Variants in EFCAB5 observed in about 807,000 individuals in gnomAD.
The protein encoded by EFCAB5 is EF-hand calcium-binding domain-containing protein 5.
In EFCAB5, 131 loss-of-function variants were observed where a neutral mutation model predicts 167.9. That is an observed-to-expected ratio of 0.78 (90% CI 0.68 to 0.90). The LOEUF is 0.90. Ranked by LOEUF, EFCAB5 falls within the 40% of genes least tolerant of loss-of-function variation. The pLI, the probability that EFCAB5 is intolerant of heterozygous loss-of-function variation, is 0.00. For synonymous variants in EFCAB5, 574 were observed against 602.8 expected (o/e 0.95, Z 0.70); for missense variants, 1,663 against 1,745.2 (o/e 0.95, Z 0.84).
rs1447983318 is a variant in EFCAB5 at position 30,056,186 on chromosome 17, A to G, written c.2365+30A>G. 9 of 1,565,398 alleles carry G rather than the reference A, an allele frequency of 5.7e-6. No individual in the cohort carries two copies. In the Admixed American group the frequency reaches 1.5e-4, roughly 25 times the overall value. ...ATGTTAACAATGAAAGTAGGAATAG[A>G]TGGCAGTCCAATAGATGGATTTAAT... On this transcript the variant is annotated intron_variant, in intron 12 of 22. Coordinates refer to ENST00000394835, the MANE Select transcript of EFCAB5 (RefSeq NM_198529.4).
At chr17:30,006,143 T>G (rs2068769380) in intron 7 of EFCAB5, among the ~76,000 whole-genome samples, 1 of 152,326 alleles carries the variant, frequency 6.6e-6, no homozygotes, top group Non-Finnish European at 1.5e-5. Context: ...CAAGGCTTCT[T>G]GGGTTTGTGT....
chr17:29,996,723 T>C (rs28429455), intron 6 of EFCAB5, among the ~76,000 whole-genome samples: 14,712 of 152,250 alleles, frequency 0.097, 1,626 homozygotes, highest in African/African-American at 0.27. Context: ...ATGCACTGGC[T>C]AGGCATGGTG....
chr17:29,956,424 A>C (rs926219101), intron 3 of EFCAB5, among the ~76,000 whole-genome samples: 104 of 152,244 alleles, frequency 6.8e-4, no homozygotes, highest in African/African-American at 2.4e-3. Context: ...TGAAGTGCAG[A>C]AACAGCTAGA....
chr17:30,073,585 A>G, intron 14 of EFCAB5: 1 of 658,600 alleles, frequency 1.5e-6, no homozygotes. Context: ...ATACCTCAGC[A>G]TGCATATCAT....
At chr17:30,059,305 G>A in intron 13 of EFCAB5, 1 of 318,810 alleles carries the variant, frequency 3.1e-6, no homozygotes, top group Non-Finnish European at 5.6e-6. Context: ...TCACTGTGTT[G>A]CTCAGGCTGG....
chr17:30,027,653 C>G (rs563713981), intron 7 of EFCAB5, among the ~76,000 whole-genome samples: 1 of 152,044 alleles, frequency 6.6e-6, no homozygotes, highest in African/African-American at 2.4e-5. Context: ...TCCTGGCTTG[C>G]CTGGGACTGA....
chr17:30,015,175 G>C (rs2069003784), intron 7 of EFCAB5, among the ~76,000 whole-genome samples: 1 of 152,206 alleles, frequency 6.6e-6, no homozygotes, highest in African/African-American at 2.4e-5. Flanking sequence ...TCTGCTGTTA[G>C]TATGATGGGC....
At chr17:30,087,006 C>T (rs2071101795) in intron 18 of EFCAB5, 57 bp from the exon 19 acceptor site, 1 of 1,503,078 alleles carries the variant, frequency 6.7e-7, no homozygotes, top group Non-Finnish European at 9.2e-7. Context: ...TCCCCAAAAG[C>T]TTTAATGAGA....
At chr17:30,024,407 A>G (rs952713828) in intron 7 of EFCAB5, among the ~76,000 whole-genome samples, 2 of 152,220 alleles carry the variant, frequency 1.3e-5, no homozygotes, top group Non-Finnish European at 2.9e-5. Flanking sequence ...AAGAGAGCCA[A>G]ATCATGAGTG....
intron 17 of EFCAB5, among the ~76,000 whole-genome samples, chr17:30,081,447 G>T (rs922171424): frequency 6.6e-6 from 1 of 152,134 alleles, no homozygotes; most frequent in East Asian, 1.9e-4. Flanking sequence ...AAAGAAAAAG[G>T]CCTAAATGTT....
At chr17:29,931,178 A>G (rs2067188594) in intron 1 of EFCAB5, among the ~76,000 whole-genome samples, 1 of 152,224 alleles carries the variant, frequency 6.6e-6, no homozygotes, top group African/African-American at 2.4e-5. Flanking sequence ...TGACAAGGCT[A>G]TTTCTCAGCT....
intron 3 of EFCAB5, chr17:29,968,339 G>C: frequency 2.2e-6 from 1 of 454,440 alleles, no homozygotes; most frequent in Non-Finnish European, 4.4e-6. Context: ...TGGTCTGGGC[G>C]TGGGCATGTA....
Position 30,053,727 on chromosome 17 carries a change from G to A in EFCAB5, c.1773G>A (p.Val591=), listed in dbSNP as rs371953416. 321 of 1,613,950 alleles carry A rather than the reference G, an allele frequency of 2.0e-4. No homozygotes were observed. Among genetic ancestry groups the A allele is most frequent in the Admixed American group, 2.7e-4 (16 of 60,008 alleles). The stretch of plus-strand genomic sequence containing the variant: ...TAGAAGGACAAGGACCACGCAGAGT[G>A]TCAGTTTCAGAACAAGGATCAAGCA... ...GSIEGQGPRR[V]SVSEQGSSRE... is the part of the protein sequence containing the mutation. The change falls in exon 10 of 23, where the codon GTG becomes GTA. Residue 591 remains valine, a synonymous_variant. Coordinates refer to ENST00000394835, the MANE Select transcript of EFCAB5 (RefSeq NM_198529.4).
chr17:30,025,619 C>G (rs1170985768), intron 7 of EFCAB5, among the ~76,000 whole-genome samples: 1 of 152,156 alleles, frequency 6.6e-6, no homozygotes, highest in Non-Finnish European at 1.5e-5. Flanking sequence ...GGCGATTCCT[C>G]AGGGATCTAG....
intron 7 of EFCAB5, among the ~76,000 whole-genome samples, chr17:30,017,926 A>G (rs2069086179): frequency 1.3e-5 from 2 of 152,166 alleles, no homozygotes; most frequent in African/African-American, 2.4e-5. Context: ...GTCCTTTTAC[A>G]ATGTGTTTTG....
At chr17:29,943,702 G>A in intron 3 of EFCAB5, 53 bp downstream of exon 3, 1 of 1,483,262 alleles carries the variant, frequency 6.7e-7, no homozygotes, top group Non-Finnish European at 9.1e-7. Context: ...GGCTGGGCGT[G>A]GTGGCTCATG....
At chr17:29,984,571 T>C (rs2068243198) in intron 4 of EFCAB5, among the ~76,000 whole-genome samples, 1 of 151,780 alleles carries the variant, frequency 6.6e-6, no homozygotes, top group Non-Finnish European at 1.5e-5. Flanking sequence ...TATAAAAAAT[T>C]AGCCAGACTG....
chr17:29,940,068 G>A (rs2067277640), upstream of EFCAB5, among the ~76,000 whole-genome samples: 1 of 140,834 alleles, frequency 7.1e-6, no homozygotes, highest in South Asian at 2.3e-4. Context: ...TTCCCTCACT[G>A]AACTGGGAAC....
intron 3 of EFCAB5, among the ~76,000 whole-genome samples, chr17:29,963,238 G>T (rs1044692471): frequency 2.0e-5 from 3 of 152,074 alleles, no homozygotes; most frequent in African/African-American, 7.2e-5. Context: ...CACCACACCT[G>T]GCCAACTGTG....
Sources: gnomAD v4.1 joint callset for allele counts (sites outside exome capture counted in the v4.1 genomes callset) on GRCh38, gnomAD v4.1.1 for gene constraint, MANE v1.5 for transcripts, NCBI Gene and HGNC (gene_info 2026-07-23, HGNC 2026-07-21) for gene names.